GABRB2: variants seen among roughly 807,000 people sequenced by gnomAD.
GABRB2 encodes the protein gamma-aminobutyric acid receptor subunit beta-2.
In GABRB2, 16 loss-of-function variants were observed where a neutral mutation model predicts 54.7. The ratio of observed to expected loss-of-function variants is 0.29; its 90% CI spans 0.20 to 0.44. GABRB2 has a LOEUF of 0.44. GABRB2 is among the 20% of genes least tolerant of loss of function. The probability of loss-of-function intolerance (pLI) is 1.00; values close to 1 mark genes in which losing one functional copy is unlikely to be tolerated. For synonymous variants in GABRB2, 244 were observed against 233.8 expected (o/e 1.04, Z -0.40); for missense variants, 355 against 644.0 (o/e 0.55, Z 4.86).
At chr5:161,538,730 G>T (rs1760721337) in intron 3 of GABRB2, among the ~76,000 whole-genome samples, 2 of 152,098 alleles carry the variant, frequency 1.3e-5, no homozygotes, top group Non-Finnish European at 2.9e-5. Context: ...AGACTGAGAT[G>T]AGAGAATTGC....
chr5:161,470,401 A>G (rs765495374), intron 3 of GABRB2, among the ~76,000 whole-genome samples: 1 of 152,006 alleles, frequency 6.6e-6, no homozygotes, highest in East Asian at 1.9e-4. Flanking sequence ...CATACCCAAG[A>G]TAAGTTTAAA....
chr5:161,347,491 A>G (rs950797939), intron 5 of GABRB2, among the ~76,000 whole-genome samples: 11 of 152,120 alleles, frequency 7.2e-5, no homozygotes, highest in African/African-American at 2.4e-4. Flanking sequence ...CCACGCCTTG[A>G]ATGTGAGCTG....
intron 4 of GABRB2, among the ~76,000 whole-genome samples, chr5:161,455,523 T>A (rs1757925626): frequency 7.0e-6 from 1 of 143,586 alleles, no homozygotes; most frequent in Non-Finnish European, 1.5e-5. Context: ...GAAATTTTGT[T>A]CCCCAATTTT....
At chr5:161,395,789 G>A (rs1324397982) in intron 5 of GABRB2, among the ~76,000 whole-genome samples, 1 of 152,012 alleles carries the variant, frequency 6.6e-6, no homozygotes, top group Non-Finnish European at 1.5e-5. Flanking sequence ...TTCCCTCTCT[G>A]GATCTTAGAG....
intron 3 of GABRB2, among the ~76,000 whole-genome samples, chr5:161,509,985 T>C (rs1430036567): frequency 6.6e-6 from 1 of 151,918 alleles, no homozygotes; most frequent in Non-Finnish European, 1.5e-5. Context: ...TTATTTTTAG[T>C]TTTAATTTTT....
At chr5:161,489,745 A>G (rs562696489) in intron 3 of GABRB2, among the ~76,000 whole-genome samples, 1 of 151,896 alleles carries the variant, frequency 6.6e-6, no homozygotes, top group African/African-American at 2.4e-5. Context: ...AAGCAAAGAA[A>G]AAATGCTACC....
intron 5 of GABRB2, among the ~76,000 whole-genome samples, chr5:161,367,500 AT>A (rs33979729): frequency 0.18 from 27,146 of 151,942 alleles, 3,524 homozygotes; most frequent in African/African-American, 0.36. Context: ...GAGTTAACGT[AT>A]TTTTTTTCTC....
chr5:161,316,920 G>A (rs1007674653), intron 9 of GABRB2, among the ~76,000 whole-genome samples: 3 of 152,028 alleles, frequency 2.0e-5, no homozygotes, highest in Non-Finnish European at 2.9e-5. Context: ...ACTTGACAGC[G>A]ATAATCATTA....
rs778389436 is a variant in GABRB2 at position 161,294,128 on chromosome 5, C to A, written c.1492G>T (p.Val498Phe). Reference protein sequence around the residue: ...DRWSRIFFPVVFSFFNIVYWL... With the variant: ...DRWSRIFFPVFFSFFNIVYWL... ...TAGACGATGTTGAAGAAGGAAAAAA[C>A]CACTGGGAAGAATATGCGGGACCAC... Residue 498 changes from valine (V) to phenylalanine (F), a missense_variant, in exon 10 of 10, where the codon GTT (valine) becomes TTT (phenylalanine). By Grantham distance (50) the Val-to-Phe change is conservative. Coordinates refer to ENST00000393959, the MANE Select transcript of GABRB2 (RefSeq NM_001371727.1). The A allele has an allele frequency of 1.2e-6, 2 of 1,613,832 alleles. No homozygotes were observed. The highest frequency in any genetic ancestry group is 1.7e-6 in the Non-Finnish European group (2 of 1,179,880).
At chr5:161,425,107 G>T (rs2113156709) in intron 4 of GABRB2, among the ~76,000 whole-genome samples, 1 of 152,252 alleles carries the variant, frequency 6.6e-6, no homozygotes, top group African/African-American at 2.4e-5. Context: ...GACGAAGAAA[G>T]TGACTTCTTG....
intron 5 of GABRB2, among the ~76,000 whole-genome samples, chr5:161,408,020 C>G (rs1756396131): frequency 6.6e-6 from 1 of 152,032 alleles, no homozygotes; most frequent in African/African-American, 2.4e-5. Context: ...TTTAAACAGC[C>G]TTTCTTTAAG....
At chr5:161,317,085 A>G (rs1396218395) in intron 9 of GABRB2, among the ~76,000 whole-genome samples, 2 of 144,040 alleles carry the variant, frequency 1.4e-5, no homozygotes, top group African/African-American at 5.3e-5. Flanking sequence ...GTGAGAGAGA[A>G]AAAAAATGAC....
At chr5:161,530,248 C>A (rs942527787) in intron 3 of GABRB2, among the ~76,000 whole-genome samples, 15 of 152,040 alleles carry the variant, frequency 9.9e-5, no homozygotes, top group Admixed American at 6.6e-4. Flanking sequence ...AATTTTAACA[C>A]CTGGACATAT....
chr5:161,484,441 T>G (rs1354242138), intron 3 of GABRB2, among the ~76,000 whole-genome samples: 1 of 151,894 alleles, frequency 6.6e-6, no homozygotes, highest in East Asian at 2.0e-4. Flanking sequence ...TGACCCACCT[T>G]TCAAGTACAA....
intron 5 of GABRB2, among the ~76,000 whole-genome samples, chr5:161,346,528 C>G (rs1754323244): frequency 6.6e-6 from 1 of 152,264 alleles, no homozygotes; most frequent in Admixed American, 6.5e-5. Flanking sequence ...AAAGTCCCAG[C>G]TGAATGATGT....
At chr5:161,307,883 G>A (rs1273695656) in intron 9 of GABRB2, among the ~76,000 whole-genome samples, 1 of 141,874 alleles carries the variant, frequency 7.0e-6, no homozygotes, top group Admixed American at 7.1e-5. Context: ...TTTTTTGACC[G>A]AGTCTCGCTC....
intron 8 of GABRB2, among the ~76,000 whole-genome samples, chr5:161,328,616 G>T (rs1441330056): frequency 6.6e-6 from 1 of 152,072 alleles, no homozygotes; most frequent in East Asian, 1.9e-4. Flanking sequence ...ATGATGTCTT[G>T]ATTCTTACAC....
chr5:161,442,261 A>C lies in GABRB2; in HGVS notation c.458+17363T>G, dbSNP rs374802829. On this transcript the variant is annotated intron_variant, in intron 4 of 9. Coordinates refer to ENST00000393959, the MANE Select transcript of GABRB2 (RefSeq NM_001371727.1). Reference sequence around the variant, plus strand: ...CCCTACAAATGTACTTTTTTAAATAAATAAAATAAAAATGGAATGATTGAA... The same window carrying C: ...CCCTACAAATGTACTTTTTTAAATACATAAAATAAAAATGGAATGATTGAA... Among the ~76,000 whole-genome samples the C allele has an allele frequency of 1.3e-4, 20 of 152,332 alleles. 1 individual carries two copies. In the South Asian group the frequency reaches 3.9e-3, roughly 30 times the overall value.
At chr5:161,332,145 C>G (rs1203491092) in intron 7 of GABRB2, among the ~76,000 whole-genome samples, 1 of 123,444 alleles carries the variant, frequency 8.1e-6, no homozygotes, top group Non-Finnish European at 1.6e-5. Context: ...CCGCCTGGGC[C>G]ACACAGCAAG....
Sources: allele counts gnomAD v4.1 joint callset (sites outside exome capture counted in the v4.1 genomes callset), GRCh38; gene constraint gnomAD v4.1.1; transcripts MANE v1.5; gene names NCBI Gene and HGNC (gene_info 2026-07-23, HGNC 2026-07-21).